RYR1: variants seen among roughly 807,000 people sequenced by gnomAD.
The protein encoded by RYR1 is ryanodine receptor 1.
A neutral mutation model predicts 583.5 loss-of-function variants in RYR1; 342 were observed. The observed-to-expected ratio is 0.59, with a 90% CI of 0.54 to 0.64. The LOEUF is 0.64. RYR1 is among the 30% of genes least tolerant of loss of function. The probability of loss-of-function intolerance (pLI) is 0.00; values close to 1 mark genes in which losing one functional copy is unlikely to be tolerated. For missense variants in RYR1, 6,032 were observed against 6,917.2 expected, an observed-to-expected ratio of 0.87 and a Z score of 4.54; for synonymous variants, 2,791 against 2,822.5, an observed-to-expected ratio of 0.99 and a Z score of 0.35.
intron 101 of RYR1, among the ~76,000 whole-genome samples, chr19:38,581,680 C>T (rs776590812): frequency 1.3e-5 from 2 of 152,114 alleles, no homozygotes; most frequent in Non-Finnish European, 2.9e-5. Flanking sequence ...CTTACTGCAA[C>T]CTCTGTCTCT....
In RYR1 at chr19:38,436,202, G is replaced by A. The variant is rs373905079; in HGVS notation, c.45+2328G>A. Among the ~76,000 whole-genome samples, 8 of 152,004 alleles carry A rather than the reference G, an allele frequency of 5.3e-5. No homozygotes were observed. In the East Asian group the frequency reaches 9.7e-4, roughly 18 times the overall value. On this transcript the variant is annotated intron_variant, in intron 1 of 105. Coordinates refer to ENST00000359596, the MANE Select transcript of RYR1 (RefSeq NM_000540.3). ...TGGGATTACAGGTGTGAGCCACCACGCCCGGCCTTTTTTTTTCTTTTTGAG... is the reference window on the plus strand; with the variant it reads ...TGGGATTACAGGTGTGAGCCACCACACCCGGCCTTTTTTTTTCTTTTTGAG...
At chr19:38,460,248 T>G in intron 19 of RYR1, 127 bp from the exon 20 acceptor site, 1 of 834,150 alleles carries the variant, frequency 1.2e-6, no homozygotes, top group Non-Finnish European at 2.1e-6. Context: ...ACACTATGAC[T>G]GCCCGGTGAC....
intron 95 of RYR1, among the ~76,000 whole-genome samples, chr19:38,572,975 C>G (rs1020907004): frequency 6.6e-6 from 1 of 151,362 alleles, no homozygotes; most frequent in Non-Finnish European, 1.5e-5. Flanking sequence ...CCTCCCCCAT[C>G]CCTGCCCTGA....
rs747045754 is a variant in RYR1 at position 38,502,718 on chromosome 19, C to T, written c.7826C>T (p.Ser2609Leu). Residue 2609 changes from serine (S) to leucine (L), a missense_variant, in exon 48 of 106, where the codon TCG (serine) becomes TTG (leucine). Ser to Leu is a moderately radical substitution (Grantham distance 145). Transcript: ENST00000359596. ...GACGTCATCGAGGACTGCCTCATGTCGCTCTGCAGGTGGAGCGGGGCAGGC... is the reference window on the plus strand; with the variant it reads ...GACGTCATCGAGGACTGCCTCATGTTGCTCTGCAGGTGGAGCGGGGCAGGC... Reference protein sequence around the residue: ...QRDVIEDCLMSLCRYIRPSML... With the variant: ...QRDVIEDCLMLLCRYIRPSML... 3.3e-5 allele frequency: 48 copies of T among 1,446,966 alleles called. 1 individual carries two copies. The highest frequency in any genetic ancestry group is 5.6e-5 in the Admixed American group (3 of 53,574). 89.6% of individuals were successfully genotyped at this position (1,446,966 alleles called of 1,614,324 possible).
In RYR1 at chr19:38,433,892, A is replaced by G. The variant is rs1356078361; in HGVS notation, c.45+18A>G. 1.2e-6 allele frequency: 2 copies of G among 1,610,720 alleles called. No homozygotes were observed. The highest frequency in any genetic ancestry group is 1.7e-6 in the Non-Finnish European group (2 of 1,177,054). On this transcript the variant is annotated intron_variant, in intron 1 of 105. Transcript: ENST00000359596. ...TGCGGACGGTGCGTATCTCTGGGTT[A>G]GGGGCCTGTGGGGCTATCTCTTGGG...
Position 38,496,108 on chromosome 19 carries a change from T to A in RYR1, c.6549-107T>A. The stretch of plus-strand genomic sequence containing the variant: ...TTCAGATCTGTAAAGGCGGTGGTGC[T>A]AGGCACAGAGTGAGAGGGTCAAGAA... On this transcript the variant is annotated intron_variant, in intron 39 of 105. Transcript: ENST00000359596. This position sits in a 1 kb window ranked among gnomAD's most constrained non-coding sequence, Gnocchi z 4.8. The A allele has an allele frequency of 1.1e-6, 1 of 922,522 alleles. No individual in the cohort carries two copies. Among genetic ancestry groups the A allele is most frequent in the East Asian group, 2.5e-5 (1 of 39,736 alleles). The allele number at this position is 922,522 out of a possible 1,614,324, so 57.1% of individuals were successfully genotyped here.
intron 78 of RYR1, among the ~76,000 whole-genome samples, chr19:38,534,201 C>T (rs987905146): frequency 4.0e-5 from 6 of 151,736 alleles, no homozygotes; most frequent in Admixed American, 3.3e-4. Flanking sequence ...TTAGTAGAGG[C>T]GGGGTTTCAC....
intron 31 of RYR1, 135 bp from the exon 32 acceptor site, chr19:38,482,892 G>A: frequency 2.6e-6 from 2 of 780,608 alleles, no homozygotes; most frequent in South Asian, 1.4e-5. Flanking sequence ...ACAGTCTAAG[G>A]GTGACCTCTG....
chr19:38,488,357 T>A (rs1969391755), intron 34 of RYR1, among the ~76,000 whole-genome samples: 2 of 152,074 alleles, frequency 1.3e-5, no homozygotes, highest in South Asian at 4.2e-4. Flanking sequence ...TCATCTTTCC[T>A]TCAAACCTCT....
At chr19:38,455,584 G>A in intron 15 of RYR1, 38 bp downstream of exon 15, 3 of 1,611,750 alleles carry the variant, frequency 1.9e-6, no homozygotes, top group Non-Finnish European at 2.5e-6. Flanking sequence ...AGGCTTGTGG[G>A]AGGGGATGGG....
chr19:38,507,554 G>A (rs1252195294), intron 57 of RYR1, among the ~76,000 whole-genome samples, 158 bp from the exon 58 acceptor site: 1 of 151,730 alleles, frequency 6.6e-6, no homozygotes, highest in African/African-American at 2.4e-5. Context: ...AGAAGGCTAA[G>A]TGGGGTGGGG....
intron 87 of RYR1, among the ~76,000 whole-genome samples, chr19:38,545,085 A>C (rs1333253433): frequency 2.6e-5 from 4 of 151,922 alleles, no homozygotes; most frequent in East Asian, 1.9e-4. Flanking sequence ...AAAAAAAAAA[A>C]CCTGAGATTC....
At chr19:38,553,976 G>A (rs1199302909) in intron 89 of RYR1, among the ~76,000 whole-genome samples, 1 of 152,150 alleles carries the variant, frequency 6.6e-6, no homozygotes, top group Non-Finnish European at 1.5e-5. Context: ...CTTGTTGATG[G>A]ACACTGGCTT....
At chr19:38,486,333 C>A in intron 34 of RYR1, 131 bp downstream of exon 34, 1 of 1,137,448 alleles carries the variant, frequency 8.8e-7, no homozygotes, top group Non-Finnish European at 1.3e-6. Flanking sequence ...ATACATCCAT[C>A]CACCTTTCTT....
Position 38,483,062 on chromosome 19 carries a change from C to T in RYR1, c.4656C>T (p.Phe1552=), listed in dbSNP as rs1401779403. The change falls in exon 32 of 106, where the codon TTC becomes TTT. Residue 1552 remains phenylalanine, a synonymous_variant. Transcript: ENST00000359596. This position sits in a 1 kb window ranked among gnomAD's most constrained non-coding sequence, Gnocchi z 6.3. The part of the protein sequence containing the change: ...EPNTKLFPAV[F]VLPTHQNVIQ... ...ACACTAAGCTATTTCCTGCCGTCTT[C>T]GTCCTGCCCACCCACCAGAACGTCA... The T allele has an allele frequency of 8.1e-6, 13 of 1,614,132 alleles. No individual in the cohort carries two copies. The highest frequency in any genetic ancestry group is 1.3e-5 in the African/African-American group (1 of 75,022).
chr19:38,503,040 C>G, intron 49 of RYR1, 70 bp downstream of exon 49: 1 of 1,481,756 alleles, frequency 6.7e-7, no homozygotes, highest in Admixed American at 1.7e-5. Flanking sequence ...CCTCCTACTG[C>G]GGGGCTCATT....
chr19:38,485,659 C>T lies in RYR1; in HGVS notation c.5004C>T (p.Leu1668=). The change falls in exon 34 of 106, where the codon CTC becomes CTT. Residue 1668 remains leucine, a synonymous_variant. Coordinates refer to ENST00000359596, the MANE Select transcript of RYR1 (RefSeq NM_000540.3). ...GCTTCCACTCGCACACCCTGCGCCT[C>T]TACCGCGCTGTGTGCGCCCTGGGCA... ...LQRFHSHTLR[L]YRAVCALGNN... 1 of 1,610,818 alleles carries T rather than the reference C, an allele frequency of 6.2e-7. No individual in the cohort carries two copies. Among genetic ancestry groups the T allele is most frequent in the Non-Finnish European group, 8.5e-7 (1 of 1,179,914 alleles).
rs146408926 is a variant in RYR1, at chr19:38,512,365, G to A, written c.9354G>A (p.Ala3118=). ...ENLRLGKVSQ[A]RTQVKGVGQN... is the part of the protein sequence containing the mutation. Reference sequence around the variant, plus strand: ...TGCGGCTGGGCAAGGTGTCGCAGGCGCGCACCCAGGTGAAAGGCGTGGGCC... The same window carrying A: ...TGCGGCTGGGCAAGGTGTCGCAGGCACGCACCCAGGTGAAAGGCGTGGGCC... The change falls in exon 63 of 106, where the codon GCG becomes GCA. Residue 3118 remains alanine (A), a synonymous_variant. Coordinates refer to ENST00000359596, the MANE Select transcript of RYR1 (RefSeq NM_000540.3). This position sits in a 1 kb window ranked among gnomAD's most constrained non-coding sequence, Gnocchi z 5.1. 26 of 1,613,956 alleles carry A rather than the reference G, an allele frequency of 1.6e-5. No homozygotes were observed. Among genetic ancestry groups the A allele is most frequent in the South Asian group, 5.5e-5 (5 of 91,094 alleles).
chr19:38,545,853 C>G (rs1387649898), intron 87 of RYR1, among the ~76,000 whole-genome samples: 1 of 152,148 alleles, frequency 6.6e-6, no homozygotes, highest in Non-Finnish European at 1.5e-5. Flanking sequence ...AAAGTGATCA[C>G]ATGTTGGCAA....
Sources: gnomAD v4.1 joint callset for allele counts (sites outside exome capture counted in the v4.1 genomes callset) on GRCh38, gnomAD v4.1.1 for gene constraint, Gnocchi (gnomAD v3.1) non-coding constraint, MANE v1.5 for transcripts, NCBI Gene and HGNC (gene_info 2026-07-23, HGNC 2026-07-21) for gene names.